The following GJB4 variants were observed in gnomAD, a reference collection of about 807,000 sequenced individuals.
GJB4 encodes gap junction protein beta 4.
For missense variants in GJB4, 371 were observed against 363.8 expected (o/e 1.02, Z -0.16); for synonymous variants, 162 against 158.1 (o/e 1.02, Z -0.18).
In GJB4 at chr1:34,761,765, C is replaced by A. The variant is rs750400283; in HGVS notation, c.511C>A (p.His171Asn). 1.1e-5 allele frequency: 17 copies of A among 1,613,992 alleles called. No individual in the cohort carries two copies. Among genetic ancestry groups the A allele is most frequent in the Admixed American group, 3.3e-5 (2 of 60,010 alleles). Residue 171 changes from histidine to asparagine, a missense_variant, in exon 2 of 2, where the codon CAC (histidine) becomes AAC (asparagine). Transcript: ENST00000339480. The surrounding 1 kb of genome is among the most constrained non-coding windows in gnomAD (Gnocchi z 4.4). ...VVACSVEPCPHTVDCYISRPT... is the reference protein window; with the variant it reads ...VVACSVEPCPNTVDCYISRPT... ...GGCCTGCTCCGTGGAGCCTTGCCCC[C>A]ACACTGTGGACTGTTACATCTCCCG...
At position 34,761,717 on chromosome 1, in the gene GJB4, G is replaced by A; in HGVS notation, c.463G>A (p.Asp155Asn). The change falls in exon 2 of 2, where the codon GAT becomes AAT. Residue 155 changes from aspartate to asparagine, a missense_variant. Coordinates refer to ENST00000339480, the MANE Select transcript of GJB4 (RefSeq NM_153212.3). The surrounding 1 kb of genome is among the most constrained non-coding windows in gnomAD (Gnocchi z 4.4). ...CTATATCTTCCACCGCCTCTACAAG[G>A]ATTATGACATGCCCCGCGTGGTGGC... is the stretch of plus-strand genomic sequence containing the variant. Reference protein sequence around the residue: ...FLYIFHRLYKDYDMPRVVACS... With the variant: ...FLYIFHRLYKNYDMPRVVACS... 2 of 1,614,142 alleles carry A rather than the reference G, an allele frequency of 1.2e-6. No homozygotes were observed. The highest frequency in any genetic ancestry group is 1.6e-4 in the Middle Eastern group (1 of 6,062).
rs756737829 is a variant in GJB4 at position 34,761,880 on chromosome 1, T to C, written c.626T>C (p.Val209Ala). 3.1e-6 allele frequency: 5 copies of C among 1,614,068 alleles called. No homozygotes were observed. Among genetic ancestry groups the C allele is most frequent in the East Asian group, 4.5e-5 (2 of 44,888 alleles). ...LLNLSEVFYL[V>A]GKRCMEIFGP... Reference sequence around the variant, plus strand: ...AACCTCAGTGAAGTCTTCTACCTGGTGGGCAAGAGGTGCATGGAGATCTTC... The same window carrying C: ...AACCTCAGTGAAGTCTTCTACCTGGCGGGCAAGAGGTGCATGGAGATCTTC... The change falls in exon 2 of 2, where the codon GTG becomes GCG. Residue 209 changes from valine (V) to alanine (A), a missense_variant. Coordinates refer to ENST00000339480, the MANE Select transcript of GJB4 (RefSeq NM_153212.3). This position sits in a 1 kb window ranked among gnomAD's most constrained non-coding sequence, Gnocchi z 4.4.
chr1:34,760,900 T>C, intron 1 of GJB4, 33 bp from the exon 2 acceptor site: 1 of 371,674 alleles, frequency 2.7e-6, no homozygotes, highest in Non-Finnish European at 5.2e-6. Context: ...CCATGCAGGA[T>C]GATTGTCTTC....
At position 34,761,777 on chromosome 1, in the gene GJB4, T is replaced by G; in HGVS notation, c.523T>G (p.Cys175Gly). Reference protein sequence around the residue: ...SVEPCPHTVDCYISRPTEKKV... With the variant: ...SVEPCPHTVDGYISRPTEKKV... ...GGAGCCTTGCCCCCACACTGTGGAC[T>G]GTTACATCTCCCGGCCCACGGAGAA... The change falls in exon 2 of 2, where the codon TGT becomes GGT. Residue 175 changes from cysteine (C) to glycine (G), a missense_variant. Coordinates refer to ENST00000339480, the MANE Select transcript of GJB4 (RefSeq NM_153212.3). The surrounding 1 kb of genome is among the most constrained non-coding windows in gnomAD (Gnocchi z 4.4). 2 of 1,614,146 alleles carry G rather than the reference T, an allele frequency of 1.2e-6. No homozygotes were observed. The highest frequency in any genetic ancestry group is 1.6e-4 in the Middle Eastern group (1 of 6,062).
chr1:34,760,989 T>C lies in GJB4; in HGVS notation c.-266T>C. On this transcript the variant is annotated 5_prime_UTR_variant, in exon 2 of 2. Transcript: ENST00000339480. The stretch of plus-strand genomic sequence containing the variant: ...GACCAAAGTGCAAGATTAGCTCTGC[T>C]ACTTCCATCTGTGGACCATTGGGCA... The C allele has an allele frequency of 1.8e-6, 1 of 555,750 alleles. No individual in the cohort carries two copies. The allele number at this position is 555,750 out of a possible 1,614,324, so 34.4% of individuals were successfully genotyped here.
Position 34,762,110 on chromosome 1 carries a change from G to C in GJB4, c.*55G>C. 1 of 1,515,342 alleles carries C rather than the reference G, an allele frequency of 6.6e-7. No individual in the cohort carries two copies. Among genetic ancestry groups the C allele is most frequent in the South Asian group, 1.2e-5 (1 of 84,152 alleles). The allele number at this position is 1,515,342 out of a possible 1,614,324, so 93.9% of individuals were successfully genotyped here. On this transcript the variant is annotated 3_prime_UTR_variant, in exon 2 of 2. Coordinates refer to ENST00000339480, the MANE Select transcript of GJB4 (RefSeq NM_153212.3). Reference sequence around the variant, plus strand: ...GTCCCCCCCACATGAGGCCACCCAGGAAAAAAGGCAGGGGCAGTGGCATCC... The same window carrying C: ...GTCCCCCCCACATGAGGCCACCCAGCAAAAAAGGCAGGGGCAGTGGCATCC...
chr1:34,761,027 C>T lies in GJB4; in HGVS notation c.-228C>T. On this transcript the variant is annotated 5_prime_UTR_variant, in exon 2 of 2. Coordinates refer to ENST00000339480, the MANE Select transcript of GJB4 (RefSeq NM_153212.3). This position sits in a 1 kb window ranked among gnomAD's most constrained non-coding sequence, Gnocchi z 4.4. ...GGACCATTGGGCAGGTATCTCTGGG[C>T]CTTCACTTACTCTTTGTGAAATGAG... 1.7e-6 allele frequency: 1 copy of T among 602,652 alleles called. No individual in the cohort carries two copies. The highest frequency in any genetic ancestry group is 3.0e-6 in the Non-Finnish European group (1 of 333,678). The allele number at this position is 602,652 out of a possible 1,614,324, so 37.3% of individuals were successfully genotyped here. A position where few individuals can be genotyped will look rare whatever the true frequency, so the allele number is the denominator to read the frequency against.
rs1289117700 is a variant in GJB4 at position 34,761,241 on chromosome 1, A to C, written c.-14A>C. 6.2e-7 allele frequency: 1 copy of C among 1,614,072 alleles called. No homozygotes were observed. Among genetic ancestry groups the C allele is most frequent in the Admixed American group, 1.7e-5 (1 of 60,026 alleles). On this transcript the variant is annotated 5_prime_UTR_variant, in exon 2 of 2. Coordinates refer to ENST00000339480, the MANE Select transcript of GJB4 (RefSeq NM_153212.3). The surrounding 1 kb of genome is among the most constrained non-coding windows in gnomAD (Gnocchi z 4.4). ...TATAGACCTTCCACGTGCAGCACCCAGGACACAGCCAGCATGAACTGGGCA... is the reference window on the plus strand; with the variant it reads ...TATAGACCTTCCACGTGCAGCACCCCGGACACAGCCAGCATGAACTGGGCA...
At position 34,761,857 on chromosome 1, in the gene GJB4, C is replaced by T. The variant is rs759786284; in HGVS notation, c.603C>T (p.Asn201=). ...VTTAAICILL[N]LSEVFYLVGK... is the part of the protein sequence containing the mutation. Reference sequence around the variant, plus strand: ...CAGCTGCCATCTGCATCCTGCTCAACCTCAGTGAAGTCTTCTACCTGGTGG... The same window carrying T: ...CAGCTGCCATCTGCATCCTGCTCAATCTCAGTGAAGTCTTCTACCTGGTGG... The change falls in exon 2 of 2, where the codon AAC becomes AAT. Residue 201 remains asparagine, a synonymous_variant. Coordinates refer to ENST00000339480, the MANE Select transcript of GJB4 (RefSeq NM_153212.3). The surrounding 1 kb of genome is among the most constrained non-coding windows in gnomAD (Gnocchi z 4.4). 1.2e-6 allele frequency: 2 copies of T among 1,614,218 alleles called. No individual in the cohort carries two copies. The highest frequency in any genetic ancestry group is 1.7e-6 in the Non-Finnish European group (2 of 1,180,046).
Position 34,761,743 on chromosome 1 carries a change from C to T in GJB4, c.489C>T (p.Ala163=), listed in dbSNP as rs1639722201. ...YKDYDMPRVV[A]CSVEPCPHTV... ...ATTATGACATGCCCCGCGTGGTGGC[C>T]TGCTCCGTGGAGCCTTGCCCCCACA... is the stretch of plus-strand genomic sequence containing the variant. The change falls in exon 2 of 2, where the codon GCC becomes GCT. Residue 163 remains alanine, a synonymous_variant. Transcript: ENST00000339480. The surrounding 1 kb of genome is among the most constrained non-coding windows in gnomAD (Gnocchi z 4.4). The T allele has an allele frequency of 6.2e-7, 1 of 1,614,190 alleles. No homozygotes were observed. Among genetic ancestry groups the T allele is most frequent in the Non-Finnish European group, 8.5e-7 (1 of 1,180,048 alleles).
In GJB4 at chr1:34,761,155, A is replaced by T. The variant is rs1186392649; in HGVS notation, c.-100A>T. The T allele has an allele frequency of 1.4e-5, 16 of 1,119,038 alleles. No individual in the cohort carries two copies. Among genetic ancestry groups the T allele is most frequent in the Non-Finnish European group, 2.0e-5 (15 of 745,740 alleles). 69.3% of individuals were successfully genotyped at this position (1,119,038 alleles called of 1,614,324 possible). A position where few individuals can be genotyped will look rare whatever the true frequency, so the allele number is the denominator to read the frequency against. The stretch of plus-strand genomic sequence containing the variant: ...AATCGCACCAGCATTAAGGGTGCCC[A>T]TCTCCAGGTTCCCCCAGGCCTCAAG... On this transcript the variant is annotated 5_prime_UTR_variant, in exon 2 of 2. Coordinates refer to ENST00000339480, the MANE Select transcript of GJB4 (RefSeq NM_153212.3). The surrounding 1 kb of genome is among the most constrained non-coding windows in gnomAD (Gnocchi z 4.4).
intron 1 of GJB4, 101 bp downstream of exon 1, chr1:34,759,889 G>A (rs564649400): frequency 8.5e-5 from 13 of 152,620 alleles, no homozygotes; most frequent in African/African-American, 2.9e-4. Flanking sequence ...TTCAGGGAGG[G>A]AGCCAGAGGG....
At chr1:34,760,786 C>A in intron 1 of GJB4, 147 bp from the exon 2 acceptor site, 1 of 244,416 alleles carries the variant, frequency 4.1e-6, no homozygotes, top group Non-Finnish European at 8.1e-6. Flanking sequence ...CCTGGCCCAG[C>A]CCTGGCAGCT....
chr1:34,760,496 G>A (rs1486376555), intron 1 of GJB4, among the ~76,000 whole-genome samples: 1 of 152,194 alleles, frequency 6.6e-6, no homozygotes, highest in Non-Finnish European at 1.5e-5. Context: ...ACCCACTGTG[G>A]TCAAGACAGT....
chr1:34,760,016 G>A (rs1041569817), intron 1 of GJB4, among the ~76,000 whole-genome samples: 2 of 152,222 alleles, frequency 1.3e-5, no homozygotes, highest in Admixed American at 1.3e-4. Context: ...ATGGGTTTCA[G>A]TTCAGTTTAA....
rs531991614 is a variant in GJB4 at position 34,761,685 on chromosome 1, G to T, written c.431G>T (p.Gly144Val). The change falls in exon 2 of 2, where the codon GGC becomes GTC. Residue 144 changes from glycine (G) to valine (V), a missense_variant. Transcript: ENST00000339480. The surrounding 1 kb of genome is among the most constrained non-coding windows in gnomAD (Gnocchi z 4.4). ...ATCTTCAAGGCCGCCGTGGATGCTG[G>T]CTTCCTCTATATCTTCCACCGCCTC... ...SLIFKAAVDA[G>V]FLYIFHRLYK... 4.8e-5 allele frequency: 77 copies of T among 1,614,202 alleles called. No homozygotes were observed. In the South Asian group the frequency reaches 7.9e-4, roughly 17 times the overall value.
rs1248057091 is a variant in GJB4 at position 34,761,316 on chromosome 1, G to A, written c.62G>A (p.Ser21Asn). 3 of 1,614,048 alleles carry A rather than the reference G, an allele frequency of 1.9e-6. No individual in the cohort carries two copies. The highest frequency in any genetic ancestry group is 2.5e-6 in the Non-Finnish European group (3 of 1,179,888). Residue 21 changes from serine (S) to asparagine (N), a missense_variant, in exon 2 of 2, where the codon AGC becomes AAC. Physicochemically the swap from Ser to Asn is conservative, Grantham distance 46. Coordinates refer to ENST00000339480, the MANE Select transcript of GJB4 (RefSeq NM_153212.3). This position sits in a 1 kb window ranked among gnomAD's most constrained non-coding sequence, Gnocchi z 4.4. ...SGVNKYSTVL[S>N]RIWLSVVFIF... ...GTGAACAAGTACTCCACAGTGCTGA[G>A]CCGCATCTGGCTGTCTGTGGTGTTC...
rs1033213319 is a variant in GJB4, at chr1:34,762,001, C to T, written c.747C>T (p.Asn249=). 1.9e-6 allele frequency: 3 copies of T among 1,614,174 alleles called. No individual in the cohort carries two copies. The Admixed American group carries it at 5.0e-5, about 27-fold the overall frequency. Reference sequence around the variant, plus strand: ...AGGGAGGGCACCCTGAGGATGGGAACTCTGTCCTAATGAAGGCTGGGTCGG... The same window carrying T: ...AGGGAGGGCACCCTGAGGATGGGAATTCTGTCCTAATGAAGGCTGGGTCGG... ...LSQGGHPEDG[N]SVLMKAGSAP... The change falls in exon 2 of 2, where the codon AAC becomes AAT. Residue 249 remains asparagine (N), a synonymous_variant. Coordinates refer to ENST00000339480, the MANE Select transcript of GJB4 (RefSeq NM_153212.3).
At chr1:34,760,419 G>A (rs1571567311) in intron 1 of GJB4, among the ~76,000 whole-genome samples, 1 of 152,116 alleles carries the variant, frequency 6.6e-6, no homozygotes, top group East Asian at 1.9e-4. Flanking sequence ...GTAAATGGGG[G>A]GTCCAGACCA....
Sources: gnomAD v4.1 joint callset for allele counts (sites outside exome capture counted in the v4.1 genomes callset) on GRCh38, gnomAD v4.1.1 for gene constraint, Gnocchi (gnomAD v3.1) non-coding constraint, MANE v1.5 for transcripts, NCBI Gene and HGNC (gene_info 2026-07-23, HGNC 2026-07-21) for gene names.